Variants in BTBD9 observed in about 807,000 individuals in gnomAD.
BTBD9 encodes the protein BTB domain containing 9.
A neutral mutation model predicts 64.3 loss-of-function variants in BTBD9; 49 were observed. The ratio of observed to expected loss-of-function variants is 0.76; its 90% CI spans 0.61 to 0.97. The LOEUF (loss-of-function observed/expected upper bound fraction) is 0.97, where lower values mean the gene tolerates loss of function less well. Among genes scored for constraint, BTBD9 ranks in the 50% least tolerant of loss-of-function variants. The pLI is 0.00. For synonymous variants in BTBD9, 260 were observed against 274.7 expected, an observed-to-expected ratio of 0.95 and a Z score of 0.53; for missense variants, 598 against 762.1, an observed-to-expected ratio of 0.78 and a Z score of 2.53.
intron 6 of BTBD9, chr6:38,482,266 C>T (rs796637766): frequency 6.6e-6 from 1 of 152,160 alleles, no homozygotes; most frequent in East Asian, 1.9e-4. Flanking sequence ...TTCCCAGACA[C>T]GTTTGATTCT....
At chr6:38,526,875 G>T (rs1213808348) in intron 6 of BTBD9, among the ~76,000 whole-genome samples, 1 of 152,174 alleles carries the variant, frequency 6.6e-6, no homozygotes. Context: ...GAAGGGGCTT[G>T]CCCTGTCTCA....
rs1389655948 is a variant in BTBD9, at chr6:38,357,303, AGTGTTTTG to A, written c.1155-12218_1155-12211del. ...TTGAGAATTCAGTAGCTTAGGATTC[AGTGTTTTG>A]GGGGCCTGTTAAGTCATTTACCACT... On this transcript the variant is annotated intron_variant, in intron 6 of 10. Coordinates refer to ENST00000481247, the MANE Select transcript of BTBD9 (RefSeq NM_001099272.2). Among the ~76,000 whole-genome samples the A allele has an allele frequency of 1.2e-4, 18 of 152,162 alleles. 1 individual carries two copies. The highest frequency in any genetic ancestry group is 3.9e-4 in the African/African-American group (16 of 41,424).
At chr6:38,312,974 G>C (rs894451523) in intron 7 of BTBD9, among the ~76,000 whole-genome samples, 4 of 152,276 alleles carry the variant, frequency 2.6e-5, no homozygotes, top group African/African-American at 9.6e-5. Flanking sequence ...GGATTGAATT[G>C]AATGTGTAGA....
In BTBD9 at chr6:38,619,140, G is replaced by A. The variant is rs891443450; in HGVS notation, c.-28+20660C>T. ...AGGACTTAAGAAAATATACTCCTCT[G>A]TCACCTGACTCCCTCAAGGATCAAT... On this transcript the variant is annotated intron_variant, in intron 1 of 10. Transcript: ENST00000481247. Among the ~76,000 whole-genome samples, 4 of 152,144 alleles carry A rather than the reference G, an allele frequency of 2.6e-5. No homozygotes were observed. The South Asian group carries it at 8.3e-4, about 32-fold the overall frequency.
chr6:38,469,697 C>T lies in BTBD9; in HGVS notation c.1154+107903G>A, dbSNP rs187674314. 4.3e-3 allele frequency among the ~76,000 whole-genome samples: 649 copies of T among 152,200 alleles called. 4 individuals are homozygous for T. Among genetic ancestry groups the T allele is most frequent in the African/African-American group, 0.014 (601 of 41,526 alleles). ...CATTTAAGAGACTTTGTTAGAGGAC[C>T]GTTACACAGATACCAGGATTTTGTC... On this transcript the variant is annotated intron_variant, in intron 6 of 10. Transcript: ENST00000481247.
chr6:38,260,484 A>G (rs1006999651), intron 8 of BTBD9, among the ~76,000 whole-genome samples: 1 of 152,230 alleles, frequency 6.6e-6, no homozygotes, highest in African/African-American at 2.4e-5. Flanking sequence ...CCACATCTCA[A>G]AACATTTCAT....
chr6:38,318,047 G>A (rs1763090884), intron 7 of BTBD9, among the ~76,000 whole-genome samples: 1 of 148,842 alleles, frequency 6.7e-6, no homozygotes, highest in Admixed American at 6.9e-5. Context: ...CGATTCTCCT[G>A]CCTCACCTGG....
intron 1 of BTBD9, among the ~76,000 whole-genome samples, chr6:38,612,113 G>A (rs780655321): frequency 6.6e-6 from 1 of 152,070 alleles, no homozygotes; most frequent in Non-Finnish European, 1.5e-5. Flanking sequence ...GTTTCTAGAT[G>A]GTGCATAGGT....
At chr6:38,572,157 T>C (rs1562357554) in intron 6 of BTBD9, among the ~76,000 whole-genome samples, 1 of 152,180 alleles carries the variant, frequency 6.6e-6, no homozygotes, top group Non-Finnish European at 1.5e-5. Context: ...GCAACACTTA[T>C]AATTATGTGA....
At chr6:38,270,639 T>G (rs1281936578) in intron 8 of BTBD9, among the ~76,000 whole-genome samples, 2 of 152,124 alleles carry the variant, frequency 1.3e-5, no homozygotes, top group Non-Finnish European at 2.9e-5. Flanking sequence ...GTACAAAGGA[T>G]ACATATGAAT....
chr6:38,600,902 A>G (rs1431312592), intron 1 of BTBD9, among the ~76,000 whole-genome samples: 2 of 152,208 alleles, frequency 1.3e-5, no homozygotes, highest in African/African-American at 2.4e-5. Flanking sequence ...GTTTTTCCAA[A>G]TGGAAACATG....
At chr6:38,480,425 T>G (rs978192946) in intron 6 of BTBD9, among the ~76,000 whole-genome samples, 4 of 152,190 alleles carry the variant, frequency 2.6e-5, no homozygotes, top group African/African-American at 9.7e-5. Context: ...GCTTAGGAGC[T>G]CTTATGAAAG....
chr6:38,590,778 C>T (rs1562385883), intron 4 of BTBD9, among the ~76,000 whole-genome samples: 1 of 152,108 alleles, frequency 6.6e-6, no homozygotes. Context: ...AGTTAATTGG[C>T]AGTATTGTTT....
Position 38,334,968 on chromosome 6 carries a change from G to A in BTBD9, c.1264+10016C>T, listed in dbSNP as rs571241012. On this transcript the variant is annotated intron_variant, in intron 7 of 10. Coordinates refer to ENST00000481247, the MANE Select transcript of BTBD9 (RefSeq NM_001099272.2). ...TCCCCACGTGTTGAGGGAGGGACCT[G>A]GTGGGAGGTGACTGGATCATGAGGG... Among the ~76,000 whole-genome samples the A allele has an allele frequency of 9.9e-5, 15 of 152,226 alleles. No homozygotes were observed. In the East Asian group the frequency reaches 2.7e-3, roughly 28 times the overall value.
intron 8 of BTBD9, among the ~76,000 whole-genome samples, chr6:38,257,141 T>C (rs1764618129): frequency 6.6e-6 from 1 of 150,944 alleles, no homozygotes; most frequent in Non-Finnish European, 1.5e-5. Flanking sequence ...TGGCTTCAAG[T>C]ATCCTCCTAC....
In BTBD9 at chr6:38,471,366, A is replaced by G. The variant is rs374229498; in HGVS notation, c.1154+106234T>C. On this transcript the variant is annotated intron_variant, in intron 6 of 10. Coordinates refer to ENST00000481247, the MANE Select transcript of BTBD9 (RefSeq NM_001099272.2). ...AAAGCAAGGAAGATGAGGTCAGTGC[A>G]CAGTTTGCCTCACCCAAGGAATCCG... Among the ~76,000 whole-genome samples, 15 of 152,212 alleles carry G rather than the reference A, an allele frequency of 9.9e-5. 1 individual carries two copies. The highest frequency in any genetic ancestry group is 5.8e-4 in the East Asian group (3 of 5,196).
Position 38,256,704 on chromosome 6 carries a change from T to C in BTBD9, c.1455-188A>G, listed in dbSNP as rs1764591371. Among the ~76,000 whole-genome samples the C allele has an allele frequency of 1.3e-5, 2 of 152,122 alleles. 1 individual carries two copies. The highest frequency in any genetic ancestry group is 4.1e-4 in the South Asian group (2 of 4,822). ...GTCTGCAGTGAGAGGCTTTTTATCT[T>C]TAGTTCTTTTCACAAGTCCCCCAAT... On this transcript the variant is annotated intron_variant, in intron 8 of 10. Coordinates refer to ENST00000481247, the MANE Select transcript of BTBD9 (RefSeq NM_001099272.2).
chr6:38,509,428 C>T (rs1001816619), intron 6 of BTBD9, among the ~76,000 whole-genome samples: 5 of 152,176 alleles, frequency 3.3e-5, no homozygotes, highest in African/African-American at 9.7e-5. Context: ...TCAGCTGTCA[C>T]ATCTATAATT....
intron 6 of BTBD9, among the ~76,000 whole-genome samples, chr6:38,402,276 T>C (rs1766964010): frequency 6.6e-6 from 1 of 151,894 alleles, no homozygotes; most frequent in Admixed American, 6.5e-5. Context: ...CTCAAAGCGA[T>C]CCATAGATTC....
Sources: allele counts gnomAD v4.1 joint callset (sites outside exome capture counted in the v4.1 genomes callset), GRCh38; gene constraint gnomAD v4.1.1; transcripts MANE v1.5; gene names NCBI Gene and HGNC (gene_info 2026-07-23, HGNC 2026-07-21).